Variants in CELF2 observed in about 807,000 individuals in gnomAD.
CELF2 encodes CUGBP Elav-like family member 2.
Under a neutral mutation model 62.6 loss-of-function variants are expected in CELF2, and 8 were observed. The ratio of observed to expected loss-of-function variants is 0.13; its 90% CI spans 0.07 to 0.23. The LOEUF (loss-of-function observed/expected upper bound fraction) is 0.23. Ranked by LOEUF, CELF2 falls within the 10% of genes least tolerant of loss-of-function variation. CELF2 has a pLI of 1.00. For synonymous variants in CELF2, 258 were observed against 250.0 expected (o/e 1.03, Z -0.30); for missense variants, 333 against 671.0 (o/e 0.50, Z 5.56).
the CELF2 span, among the ~76,000 whole-genome samples, chr10:10,759,181 G>A: frequency 1.3e-5 from 2 of 152,028 alleles, no homozygotes; most frequent in Non-Finnish European, 1.5e-5. Flanking sequence ...CTGTATGAAA[G>A]GAAGGTAAAA....
At chr10:11,209,221 A>G (rs1174488515) in intron 2 of CELF2, among the ~76,000 whole-genome samples, 2 of 152,184 alleles carry the variant, frequency 1.3e-5, no homozygotes, top group African/African-American at 4.8e-5. Flanking sequence ...CTGAGAGGCA[A>G]GGGGACTGGG....
intron 2 of CELF2, among the ~76,000 whole-genome samples, chr10:11,205,485 T>C (rs1313543625): frequency 6.6e-6 from 1 of 152,200 alleles, no homozygotes; most frequent in African/African-American, 2.4e-5. Flanking sequence ...TGTTAAACAT[T>C]TTCATACGTT....
At chr10:10,539,955 A>T in the CELF2 span, among the ~76,000 whole-genome samples, 1 of 152,182 alleles carries the variant, frequency 6.6e-6, no homozygotes, top group Non-Finnish European at 1.5e-5. Flanking sequence ...GGGTAGTTCT[A>T]GTGAATCTTC....
the CELF2 span, among the ~76,000 whole-genome samples, chr10:10,547,949 G>A: frequency 6.6e-6 from 1 of 152,258 alleles, no homozygotes; most frequent in South Asian, 2.1e-4. Flanking sequence ...ATGTCATGTG[G>A]AGAGGGATGC....
chr10:11,119,134 C>T (rs1257126394), intron 1 of CELF2, among the ~76,000 whole-genome samples: 1 of 152,188 alleles, frequency 6.6e-6, no homozygotes, highest in African/African-American at 2.4e-5. Flanking sequence ...GCAGTGCCAC[C>T]ATGTCACCTT....
At chr10:11,308,890 T>A (rs1433143911) in intron 9 of CELF2, among the ~76,000 whole-genome samples, 6 of 152,252 alleles carry the variant, frequency 3.9e-5, no homozygotes, top group Admixed American at 2.0e-4. Flanking sequence ...TCCTACTTAC[T>A]TGCATGTACT....
intron 1 of CELF2, among the ~76,000 whole-genome samples, chr10:11,108,230 G>C (rs1440063239): frequency 6.7e-6 from 1 of 150,100 alleles, no homozygotes; most frequent in African/African-American, 2.5e-5. Flanking sequence ...TCCCTTCACA[G>C]GTTACCATTA....
intron 1 of CELF2, among the ~76,000 whole-genome samples, chr10:10,891,048 C>T (rs1353379156): frequency 6.6e-6 from 1 of 151,950 alleles, no homozygotes; most frequent in Non-Finnish European, 1.5e-5. Flanking sequence ...ACAACAACAA[C>T]AAAACCCAGC....
intron 1 of CELF2, among the ~76,000 whole-genome samples, chr10:10,820,357 T>C (rs1174808900): frequency 6.6e-6 from 1 of 152,216 alleles, no homozygotes; most frequent in Admixed American, 6.5e-5. Flanking sequence ...GCTCCAACTC[T>C]CTGCATTGTC....
the CELF2 span, among the ~76,000 whole-genome samples, chr10:10,736,014 A>G: frequency 6.6e-6 from 1 of 152,336 alleles, no homozygotes; most frequent in South Asian, 2.1e-4. Context: ...TAAGTCACCA[A>G]ACCTCAATGG....
chr10:10,933,168 T>C (rs997323260), intron 2 of CELF2, among the ~76,000 whole-genome samples: 1 of 148,424 alleles, frequency 6.7e-6, no homozygotes, highest in Admixed American at 6.7e-5. Flanking sequence ...CCAGGCATGG[T>C]GGCACACGGC....
the CELF2 span, among the ~76,000 whole-genome samples, chr10:10,594,348 C>T: frequency 6.6e-6 from 1 of 151,794 alleles, no homozygotes; most frequent in Non-Finnish European, 1.5e-5. Flanking sequence ...GTTTGAGATG[C>T]CTATAGGAAT....
rs935125874 is a variant in CELF2, at chr10:11,300,776, G to C, written c.976+12224G>C. The stretch of plus-strand genomic sequence containing the variant: ...CCAAGCTCGTTTGAGGCAAAACGGC[G>C]ACCGCGGGCTCCAGTGTCCTGAGTA... On this transcript the variant is annotated intron_variant, in intron 9 of 12. Coordinates refer to ENST00000633077, the MANE Select transcript of CELF2 (RefSeq NM_001326342.2). This position sits in a 1 kb window ranked among gnomAD's most constrained non-coding sequence, Gnocchi z 5.5. Among the ~76,000 whole-genome samples the C allele has an allele frequency of 1.3e-5, 2 of 152,224 alleles. No individual in the cohort carries two copies. Among genetic ancestry groups the C allele is most frequent in the South Asian group, 2.1e-4 (1 of 4,812 alleles).
At position 11,110,892 on chromosome 10, in the gene CELF2, C is replaced by T. The variant is rs75541710; in HGVS notation, c.75-54594C>T. 0.073 allele frequency among the ~76,000 whole-genome samples: 11,066 copies of T among 152,164 alleles called. 491 individuals carry two copies. Among genetic ancestry groups the T allele is most frequent in the African/African-American group, 0.11 (4,767 of 41,472 alleles). ...TAACAAGGAGCAAAGCCCTTGGAAA[C>T]GCAGCACTGCAATGAGCATTTTATT... On this transcript the variant is annotated intron_variant, in intron 1 of 12. Coordinates refer to ENST00000633077, the MANE Select transcript of CELF2 (RefSeq NM_001326342.2). The surrounding 1 kb of genome is among the most constrained non-coding windows in gnomAD (Gnocchi z 4.0).
chr10:11,333,965 G>GTTGATTGA lies in CELF2; in HGVS notation c.*4926_*4933dup, dbSNP rs34480491. On this transcript the variant is annotated 3_prime_UTR_variant, in exon 13 of 13. Coordinates refer to ENST00000633077, the MANE Select transcript of CELF2 (RefSeq NM_001326342.2). ...TGACTGATTTCAAGTTTGATTTCGG[G>GTTGATTGA]TTGATTGATTGATTGATTGATAGAA... is the stretch of plus-strand genomic sequence containing the variant. The GTTGATTGA allele has an allele frequency of 6.6e-6, 1 of 151,676 alleles. No homozygotes were observed. Among genetic ancestry groups the GTTGATTGA allele is most frequent in the Admixed American group, 6.6e-5 (1 of 15,230 alleles). 9.4% of individuals were successfully genotyped at this position (151,676 alleles called of 1,614,324 possible).
chr10:11,253,478 A>T (rs1004888034), intron 4 of CELF2, among the ~76,000 whole-genome samples: 1 of 152,246 alleles, frequency 6.6e-6, no homozygotes, highest in African/African-American at 2.4e-5. Context: ...TCACGGGAAG[A>T]TGAAGAAATA....
chr10:11,245,199 T>C (rs1236657016), intron 3 of CELF2, among the ~76,000 whole-genome samples: 1 of 152,240 alleles, frequency 6.6e-6, no homozygotes, highest in Non-Finnish European at 1.5e-5. Flanking sequence ...GAATGTCTAC[T>C]CTTTTATAAT....
the CELF2 span, among the ~76,000 whole-genome samples, chr10:10,705,100 C>T: frequency 1.3e-5 from 2 of 152,136 alleles, no homozygotes; most frequent in East Asian, 1.9e-4. Context: ...GTCGGAAGAT[C>T]GCTTGAGCGT....
chr10:11,137,170 T>C (rs957576671), intron 1 of CELF2, among the ~76,000 whole-genome samples: 17 of 152,224 alleles, frequency 1.1e-4, no homozygotes, highest in African/African-American at 3.9e-4. Flanking sequence ...GGAAAAGTTA[T>C]GGTGTAAGAG....
Sources: gnomAD v4.1 joint callset for allele counts (sites outside exome capture counted in the v4.1 genomes callset) on GRCh38, gnomAD v4.1.1 for gene constraint, Gnocchi (gnomAD v3.1) non-coding constraint, MANE v1.5 for transcripts, NCBI Gene and HGNC (gene_info 2026-07-23, HGNC 2026-07-21) for gene names.